SEMA6A: variants seen among roughly 807,000 people sequenced by gnomAD.
SEMA6A encodes the protein semaphorin-6A.
A neutral mutation model predicts 96.8 loss-of-function variants in SEMA6A; 25 were observed. The observed-to-expected ratio is 0.26, with a 90% CI of 0.19 to 0.36. SEMA6A has a LOEUF of 0.36. Among genes scored for constraint, SEMA6A ranks in the 10% least tolerant of loss-of-function variants. SEMA6A has a pLI of 1.00. For synonymous variants in SEMA6A, 612 were observed against 518.0 expected (o/e 1.18, Z -2.46); for missense variants, 1,363 against 1,323.1 (o/e 1.03, Z -0.47).
intron 18 of SEMA6A, among the ~76,000 whole-genome samples, chr5:116,455,072 G>A (rs969675667): frequency 2.0e-5 from 3 of 152,102 alleles, no homozygotes; most frequent in Non-Finnish European, 4.4e-5. Flanking sequence ...ATGCATTTTT[G>A]GTTGGGATGT....
chr5:116,465,409 T>C (rs1755667455), intron 18 of SEMA6A, among the ~76,000 whole-genome samples: 1 of 152,198 alleles, frequency 6.6e-6, no homozygotes, highest in Non-Finnish European at 1.5e-5. Flanking sequence ...TTAAGCTACA[T>C]CTTTTCTTTA....
At position 116,562,082 on chromosome 5, in the gene SEMA6A, CA is replaced by C. The variant is rs537379009; in HGVS notation, c.-39+12102del. 2.0e-4 allele frequency among the ~76,000 whole-genome samples: 30 copies of C among 152,260 alleles called. No individual in the cohort carries two copies. The East Asian group carries it at 5.8e-3, about 29-fold the overall frequency. On this transcript the variant is annotated intron_variant, in intron 1 of 18. Coordinates refer to ENST00000343348, the MANE Select transcript of SEMA6A (RefSeq NM_020796.5). ...CTTGGACAAAGGTGGGATCATGCAA[CA>C]GGGAGGACTTTTTTCTATTAAAAAT...
In SEMA6A at chr5:116,443,588, G is replaced by A. The variant is rs564013661; in HGVS notation, c.*3025C>T. 4.6e-5 allele frequency: 7 copies of A among 152,724 alleles called. No individual in the cohort carries two copies. The South Asian group carries it at 6.2e-4, about 14-fold the overall frequency. 9.5% of individuals were successfully genotyped at this position (152,724 alleles called of 1,614,324 possible). On this transcript the variant is annotated 3_prime_UTR_variant, in exon 19 of 19. Coordinates refer to ENST00000343348, the MANE Select transcript of SEMA6A (RefSeq NM_020796.5). Reference sequence around the variant, plus strand: ...AACAGTCAGGTTTTATTACTTTTAAGTAATAAAGAGCCTTTTCCTTGCTTT... The same window carrying A: ...AACAGTCAGGTTTTATTACTTTTAAATAATAAAGAGCCTTTTCCTTGCTTT...
chr5:116,569,347 A>G (rs912265070), intron 1 of SEMA6A, among the ~76,000 whole-genome samples: 3 of 152,164 alleles, frequency 2.0e-5, no homozygotes, highest in African/African-American at 7.2e-5. Context: ...GACCCCAAGT[A>G]TATGCCATGC....
At chr5:116,531,314 C>T (rs1759464740) in intron 1 of SEMA6A, among the ~76,000 whole-genome samples, 1 of 152,094 alleles carries the variant, frequency 6.6e-6, no homozygotes, top group Non-Finnish European at 1.5e-5. Context: ...GACTACAACA[C>T]AAAGTAAACG....
chr5:116,492,863 A>G (rs569265869), intron 6 of SEMA6A, among the ~76,000 whole-genome samples: 1 of 152,252 alleles, frequency 6.6e-6, no homozygotes, highest in East Asian at 1.9e-4. Context: ...CTTTGTCCTG[A>G]TCTGTTGATA....
intron 1 of SEMA6A, among the ~76,000 whole-genome samples, chr5:116,546,549 G>A (rs1444348237): frequency 6.6e-6 from 1 of 152,184 alleles, no homozygotes. Flanking sequence ...CAGGCACTCT[G>A]GTATCAGGCC....
chr5:116,538,745 T>A (rs909068704), intron 1 of SEMA6A, among the ~76,000 whole-genome samples: 2 of 151,816 alleles, frequency 1.3e-5, no homozygotes, highest in African/African-American at 4.8e-5. Flanking sequence ...AATAAATAAA[T>A]AAAATAAACA....
At chr5:116,494,108 G>C (rs1757462859) in intron 6 of SEMA6A, among the ~76,000 whole-genome samples, 1 of 151,948 alleles carries the variant, frequency 6.6e-6, no homozygotes, top group Admixed American at 6.5e-5. Context: ...AATCCTACCG[G>C]TTTGGTTTTA....
chr5:116,519,681 ACACACACACACG>A (rs1181912426), intron 1 of SEMA6A, among the ~76,000 whole-genome samples: 3 of 149,432 alleles, frequency 2.0e-5, no homozygotes, highest in African/African-American at 5.1e-5. Context: ...ACACACACAC[ACACACACACACG>A]CACACACATA....
intron 1 of SEMA6A, 25 bp from the exon 2 acceptor site, chr5:116,505,007 T>G (rs757698440): frequency 1.3e-5 from 15 of 1,180,412 alleles, no homozygotes; most frequent in African/African-American, 3.1e-5. Flanking sequence ...AGAACAGATT[T>G]TTTTCCAAGT....
intron 9 of SEMA6A, chr5:116,487,194 A>C (rs1757094341): frequency 2.1e-6 from 1 of 475,694 alleles, no homozygotes; most frequent in Non-Finnish European, 3.8e-6. Context: ...AGAGTCATAA[A>C]TCCTTCAGGG....
At chr5:116,552,187 T>C (rs114361913) in intron 1 of SEMA6A, among the ~76,000 whole-genome samples, 2,718 of 152,336 alleles carry the variant, frequency 0.018, 41 homozygotes, top group Middle Eastern at 0.027. Context: ...AATAACACTA[T>C]TTACGGCCTA....
chr5:116,449,288 T>C (rs908938582), intron 18 of SEMA6A: 34 of 701,850 alleles, frequency 4.8e-5, no homozygotes, highest in Admixed American at 3.4e-4. Flanking sequence ...GTTCCTATTA[T>C]GGAAATGATA....
intron 1 of SEMA6A, among the ~76,000 whole-genome samples, chr5:116,568,034 T>A (rs1291669555): frequency 1.3e-5 from 2 of 152,226 alleles, no homozygotes; most frequent in Non-Finnish European, 2.9e-5. Context: ...AACTGTACAA[T>A]TTCAATGAAT....
At chr5:116,517,375 A>T (rs542594909) in intron 1 of SEMA6A, among the ~76,000 whole-genome samples, 1 of 152,266 alleles carries the variant, frequency 6.6e-6, no homozygotes, top group African/African-American at 2.4e-5. Context: ...GAGAAAGGAA[A>T]TCCTTGAGAG....
chr5:116,488,863 C>T, intron 8 of SEMA6A, 25 bp downstream of exon 8: 4 of 1,545,972 alleles, frequency 2.6e-6, no homozygotes, highest in Non-Finnish European at 3.5e-6. Flanking sequence ...CCCTCCGACC[C>T]TCCTTCTTTT....
At chr5:116,448,711 A>G (rs1192841723) in intron 18 of SEMA6A, among the ~76,000 whole-genome samples, 13 of 143,606 alleles carry the variant, frequency 9.1e-5, no homozygotes, top group African/African-American at 3.3e-4. Context: ...ATATAGCTAA[A>G]GTTCACAGAC....
intron 18 of SEMA6A, among the ~76,000 whole-genome samples, chr5:116,456,256 C>T (rs557884387): frequency 6.6e-6 from 1 of 152,328 alleles, no homozygotes; most frequent in East Asian, 1.9e-4. Context: ...TCAAGTCCTG[C>T]CCAAAGTTTC....
Sources: gnomAD v4.1 joint callset for allele counts (sites outside exome capture counted in the v4.1 genomes callset) on GRCh38, gnomAD v4.1.1 for gene constraint, MANE v1.5 for transcripts, NCBI Gene and HGNC (gene_info 2026-07-23, HGNC 2026-07-21) for gene names.